RIN3: variants seen among roughly 807,000 people sequenced by gnomAD.
RIN3 encodes the protein Ras and Rab interactor 3.
In RIN3, 54 loss-of-function variants were observed where a neutral mutation model predicts 76.3. The ratio of observed to expected loss-of-function variants is 0.71; its 90% CI spans 0.57 to 0.89. The LOEUF (loss-of-function observed/expected upper bound fraction) is 0.89, where lower values mean the gene tolerates loss of function less well. RIN3 is among the 40% of genes least tolerant of loss of function. The pLI, the probability that RIN3 is intolerant of heterozygous loss-of-function variation, is 0.00. For missense variants in RIN3, 1,256 were observed against 1,322.1 expected, an observed-to-expected ratio of 0.95 and a Z score of 0.78; for synonymous variants, 576 against 564.0, an observed-to-expected ratio of 1.02 and a Z score of -0.30.
chr14:92,621,152 C>T (rs1050074427), intron 4 of RIN3, among the ~76,000 whole-genome samples: 1 of 144,484 alleles, frequency 6.9e-6, no homozygotes, highest in Admixed American at 7.7e-5. Context: ...AGGAGAATGG[C>T]GTGAACCCGG....
intron 2 of RIN3, among the ~76,000 whole-genome samples, chr14:92,561,044 A>AATATAT (rs1555383857): frequency 2.0e-4 from 5 of 24,404 alleles, no homozygotes; most frequent in African/African-American, 2.6e-4. Flanking sequence ...AAAAAAAAAA[A>AATATAT]ATATATATAT....
chr14:92,588,468 C>T (rs760798664), intron 3 of RIN3, among the ~76,000 whole-genome samples: 15 of 151,824 alleles, frequency 9.9e-5, no homozygotes, highest in African/African-American at 2.4e-4. Context: ...TCAGGTGATC[C>T]GCCTGCCTCG....
At chr14:92,519,893 G>A (rs1896549388) in intron 1 of RIN3, among the ~76,000 whole-genome samples, 1 of 152,218 alleles carries the variant, frequency 6.6e-6, no homozygotes, top group Admixed American at 6.5e-5. Context: ...TACTATCTGT[G>A]TGGTGTCAGC....
chr14:92,594,300 C>T (rs993263904), intron 3 of RIN3, among the ~76,000 whole-genome samples: 22 of 151,982 alleles, frequency 1.4e-4, no homozygotes, highest in Non-Finnish European at 2.1e-4. Flanking sequence ...GGCATGGTGG[C>T]GCATGCCTGT....
intron 1 of RIN3, among the ~76,000 whole-genome samples, chr14:92,535,749 A>G (rs1023037443): frequency 1.6e-4 from 22 of 140,916 alleles, no homozygotes; most frequent in Non-Finnish European, 2.7e-4. Context: ...ACCTTGGCTC[A>G]CTGCAACCTC....
chr14:92,526,226 C>T (rs534956700), intron 1 of RIN3, among the ~76,000 whole-genome samples: 1 of 152,134 alleles, frequency 6.6e-6, no homozygotes, highest in African/African-American at 2.4e-5. Context: ...GAGGCCGAGG[C>T]AGGTGGATCA....
Position 92,684,986 on chromosome 14 carries a change from G to A in RIN3, c.2468-1G>A. On this transcript the variant is annotated splice_acceptor_variant, in intron 8 of 9. Transcript: ENST00000216487. LOFTEE classifies it high-confidence loss of function. ...CAGATTCCACACCCTTGTCCACGCAGGTTCCTACTATCTGACCACCACCTA... is the reference window on the plus strand; with the variant it reads ...CAGATTCCACACCCTTGTCCACGCAAGTTCCTACTATCTGACCACCACCTA... The A allele has an allele frequency of 1.2e-6, 2 of 1,611,520 alleles. No homozygotes were observed. The highest frequency in any genetic ancestry group is 1.7e-6 in the Non-Finnish European group (2 of 1,177,898).
Position 92,537,754 on chromosome 14 carries a change from C to T in RIN3, c.45-17997C>T, listed in dbSNP as rs549950264. 8.0e-5 allele frequency among the ~76,000 whole-genome samples: 12 copies of T among 150,234 alleles called. No individual in the cohort carries two copies. The South Asian group carries it at 1.9e-3, about 24-fold the overall frequency. ...CTGCCCCCCCGCCACCAGGTTCCAG[C>T]GATTCTCCTGCCTCAGCCTCCTGGG... is the stretch of plus-strand genomic sequence containing the variant. On this transcript the variant is annotated intron_variant, in intron 1 of 9. Transcript: ENST00000216487.
At chr14:92,561,044 A>AAAAATATAT (rs1555383856) in intron 2 of RIN3, among the ~76,000 whole-genome samples, 3 of 24,398 alleles carry the variant, frequency 1.2e-4, no homozygotes, top group Non-Finnish European at 7.9e-5. Flanking sequence ...AAAAAAAAAA[A>AAAAATATAT]ATATATATAT....
intron 1 of RIN3, among the ~76,000 whole-genome samples, chr14:92,542,987 G>A (rs1182320353): frequency 1.3e-5 from 2 of 152,182 alleles, no homozygotes; most frequent in African/African-American, 4.8e-5. Context: ...TCTTTGTGGG[G>A]TGATGAATAT....
intron 4 of RIN3, among the ~76,000 whole-genome samples, chr14:92,619,574 G>A (rs1886100166): frequency 1.3e-5 from 2 of 151,486 alleles, no homozygotes; most frequent in African/African-American, 4.9e-5. Context: ...CGAGCAGCTG[G>A]GACTACAAGC....
chr14:92,565,591 G>T (rs1897895935), intron 2 of RIN3, among the ~76,000 whole-genome samples: 1 of 152,182 alleles, frequency 6.6e-6, no homozygotes. Context: ...GGAGCTAAGG[G>T]TTTCCCCGCT....
chr14:92,635,817 C>T (rs935177142), intron 4 of RIN3, among the ~76,000 whole-genome samples: 3 of 152,276 alleles, frequency 2.0e-5, no homozygotes, highest in Admixed American at 2.0e-4. Context: ...CACACCACTG[C>T]ACTCCAGCCT....
chr14:92,644,250 A>G (rs60810299), intron 5 of RIN3, among the ~76,000 whole-genome samples: 2,336 of 152,248 alleles, frequency 0.015, 68 homozygotes, highest in African/African-American at 0.054. Context: ...ATGTTGGTAG[A>G]GTAAGTGAGA....
At chr14:92,559,396 C>A (rs1897697602) in intron 2 of RIN3, among the ~76,000 whole-genome samples, 1 of 152,206 alleles carries the variant, frequency 6.6e-6, no homozygotes, top group Admixed American at 6.5e-5. Context: ...CCTGGCTAGG[C>A]TCAAGCCCAT....
chr14:92,552,210 T>C (rs568663574), intron 1 of RIN3, among the ~76,000 whole-genome samples: 4 of 152,322 alleles, frequency 2.6e-5, no homozygotes, highest in African/African-American at 9.6e-5. Flanking sequence ...GACAGTGAGA[T>C]GTACAGTCCT....
chr14:92,528,339 G>T lies in RIN3; in HGVS notation c.44+14363G>T, dbSNP rs533237907. ...TAGAACAGTACGGTGTGGTGGTCAG[G>T]GCTGTGAGCCCTGGAGTAAACTGCT... On this transcript the variant is annotated intron_variant, in intron 1 of 9. Coordinates refer to ENST00000216487, the MANE Select transcript of RIN3 (RefSeq NM_024832.5). 2.6e-5 allele frequency among the ~76,000 whole-genome samples: 4 copies of T among 152,344 alleles called. No homozygotes were observed. In the East Asian group the frequency reaches 7.7e-4, roughly 29 times the overall value.
intron 2 of RIN3, among the ~76,000 whole-genome samples, chr14:92,567,215 G>A (rs1477213931): frequency 6.6e-6 from 1 of 152,210 alleles, no homozygotes; most frequent in East Asian, 1.9e-4. Flanking sequence ...GAAGAGAGTA[G>A]GGGGATACCC....
At chr14:92,556,646 T>A (rs1897591773) in intron 2 of RIN3, among the ~76,000 whole-genome samples, 1 of 152,152 alleles carries the variant, frequency 6.6e-6, no homozygotes, top group African/African-American at 2.4e-5. Flanking sequence ...TGATAGATGA[T>A]GAAATATGAG....
Sources: gnomAD v4.1 joint callset for allele counts (sites outside exome capture counted in the v4.1 genomes callset) on GRCh38, gnomAD v4.1.1 for gene constraint, MANE v1.5 for transcripts, NCBI Gene and HGNC (gene_info 2026-07-23, HGNC 2026-07-21) for gene names.